Variants in EPHA7 observed in about 807,000 individuals in gnomAD.
The protein encoded by EPHA7 is ephrin type-A receptor 7.
In EPHA7, 25 loss-of-function variants were observed where a neutral mutation model predicts 112.6. That is an observed-to-expected ratio of 0.22 (90% confidence interval 0.16 to 0.31). The LOEUF (loss-of-function observed/expected upper bound fraction) is 0.31. Ranked by LOEUF, EPHA7 falls within the 10% of genes least tolerant of loss-of-function variation. EPHA7 has a pLI of 1.00. For synonymous variants in EPHA7, 437 were observed against 406.5 expected (o/e 1.07, Z -0.90); for missense variants, 962 against 1,212.6 (o/e 0.79, Z 3.07).
chr6:93,377,852 G>C (rs941827201), intron 3 of EPHA7, among the ~76,000 whole-genome samples: 5 of 151,996 alleles, frequency 3.3e-5, no homozygotes, highest in Non-Finnish European at 7.4e-5. Flanking sequence ...ATTTGTTTCA[G>C]TCATTCGCTA....
chr6:93,394,841 A>G (rs1342758191), intron 3 of EPHA7, among the ~76,000 whole-genome samples: 1 of 151,864 alleles, frequency 6.6e-6, no homozygotes, highest in Non-Finnish European at 1.5e-5. Context: ...ATCCAGTGCT[A>G]TGCTTTAACC....
intron 5 of EPHA7, among the ~76,000 whole-genome samples, chr6:93,313,373 T>C (rs1372079633): frequency 6.6e-6 from 1 of 151,544 alleles, no homozygotes; most frequent in Non-Finnish European, 1.5e-5. Context: ...AAATATATAC[T>C]ATAGATGAAG....
chr6:93,269,576 C>T lies in EPHA7; in HGVS notation c.1534G>A (p.Val512Ile). Reference sequence around the variant, plus strand: ...GCAGTAAAAGCCCGAATCTGGAAAACATACACTGTTCCTGGTTTCAGATTA... The same window carrying T: ...GCAGTAAAAGCCCGAATCTGGAAAATATACACTGTTCCTGGTTTCAGATTA... ...INNLKPGTVY[V>I]FQIRAFTAAG... Residue 512 changes from valine to isoleucine, a missense_variant, in exon 7 of 17, where the codon GTT becomes ATT. Val to Ile is a conservative substitution (Grantham distance 29). Around this residue, in one of 3 missense-constraint regions of EPHA7, gnomAD observed 746 missense variants for 889.2 expected, o/e 0.84. Transcript: ENST00000369303. 6.2e-7 allele frequency: 1 copy of T among 1,608,730 alleles called. No individual in the cohort carries two copies. The highest frequency in any genetic ancestry group is 8.5e-7 in the Non-Finnish European group (1 of 1,177,204).
At chr6:93,259,281 C>T in intron 10 of EPHA7, 73 bp downstream of exon 10, 2 of 1,573,800 alleles carry the variant, frequency 1.3e-6, no homozygotes, top group Non-Finnish European at 1.7e-6. Context: ...AATTATTTGC[C>T]TGTCATTATG....
At chr6:93,350,758 A>T (rs757841739) in intron 5 of EPHA7, among the ~76,000 whole-genome samples, 35 of 151,976 alleles carry the variant, frequency 2.3e-4, no homozygotes, top group Non-Finnish European at 4.7e-4. Flanking sequence ...TTTTTTTTTA[A>T]CAAACGACTA....
At chr6:93,289,092 T>A (rs934683553) in intron 5 of EPHA7, among the ~76,000 whole-genome samples, 1 of 152,274 alleles carries the variant, frequency 6.6e-6, no homozygotes, top group Non-Finnish European at 1.5e-5. Flanking sequence ...GGAAGCTTTT[T>A]TTCCCCCCAT....
rs1769663981 is a variant in EPHA7, at chr6:93,240,940, C to T, written c.*2486G>A. On this transcript the variant is annotated 3_prime_UTR_variant, in exon 17 of 17. Transcript: ENST00000369303. ...CTTACAAACGAGATAGTGATGTAATCATACACTTCCTATTGTGCTGTGTGT... is the reference window on the plus strand; with the variant it reads ...CTTACAAACGAGATAGTGATGTAATTATACACTTCCTATTGTGCTGTGTGT... The T allele has an allele frequency of 4.7e-6, 1 of 212,696 alleles. No individual in the cohort carries two copies. Among genetic ancestry groups the T allele is most frequent in the African/African-American group, 2.3e-5 (1 of 44,214 alleles). 13.2% of individuals were successfully genotyped at this position (212,696 alleles called of 1,614,324 possible).
chr6:93,273,907 A>G (rs998036257), intron 5 of EPHA7, among the ~76,000 whole-genome samples: 7 of 151,890 alleles, frequency 4.6e-5, no homozygotes, highest in African/African-American at 9.7e-5. Context: ...TAGGAATCCA[A>G]CTCCAACTAA....
intron 5 of EPHA7, among the ~76,000 whole-genome samples, chr6:93,336,559 C>T (rs556392110): frequency 3.0e-4 from 46 of 152,168 alleles, no homozygotes; most frequent in Middle Eastern, 3.4e-3. Flanking sequence ...CGTGCCACCA[C>T]GCCTAGCTAT....
chr6:93,258,293 A>G lies in EPHA7; in HGVS notation c.1925-9T>C. On this transcript the variant is annotated splice_polypyrimidine_tract_variant and intron_variant, in intron 10 of 16. Transcript: ENST00000369303. ...GACTTCACCGAATTCTCCTGAAGTA[A>G]CAGAACAAGCAGGCATATTTTAGTT... is the stretch of plus-strand genomic sequence containing the variant. The G allele has an allele frequency of 6.4e-7, 1 of 1,567,122 alleles. No homozygotes were observed. Among genetic ancestry groups the G allele is most frequent in the Non-Finnish European group, 8.6e-7 (1 of 1,156,598 alleles).
chr6:93,359,878 T>TAGATAGAC lies in EPHA7; in HGVS notation c.833-1468_833-1467insGTCTATCT, dbSNP rs1554185715. 4.5e-5 allele frequency among the ~76,000 whole-genome samples: 4 copies of TAGATAGAC among 89,602 alleles called. No homozygotes were observed. The East Asian group carries it at 1.1e-3, about 25-fold the overall frequency. 58.8% of individuals were successfully genotyped at this position (89,602 alleles called of 152,430 possible). A position where few individuals can be genotyped will look rare whatever the true frequency, so the allele number is the denominator to read the frequency against. Reference sequence around the variant, plus strand: ...ATAGAGAGAGAGAGAGAGAGAGAGATAGATAGATAGATAGATAGATAGATA... The same window carrying TAGATAGAC: ...ATAGAGAGAGAGAGAGAGAGAGAGATAGATAGACAGATAGATAGATAGATAGATAGATA... On this transcript the variant is annotated intron_variant, in intron 3 of 16. Coordinates refer to ENST00000369303, the MANE Select transcript of EPHA7 (RefSeq NM_004440.4).
At chr6:93,348,094 A>C (rs1377142888) in intron 5 of EPHA7, among the ~76,000 whole-genome samples, 1 of 151,874 alleles carries the variant, frequency 6.6e-6, no homozygotes, top group East Asian at 1.9e-4. Context: ...ACATAAGCCT[A>C]TTTCATTACA....
chr6:93,261,974 T>C (rs1401535302), intron 9 of EPHA7, among the ~76,000 whole-genome samples: 1 of 151,470 alleles, frequency 6.6e-6, no homozygotes, highest in East Asian at 1.9e-4. Context: ...TAAACTGGTG[T>C]ATGTGATCAC....
Position 93,414,685 on chromosome 6 carries a change from A to G in EPHA7, c.162+18T>C, listed in dbSNP as rs374722575. The G allele has an allele frequency of 1.9e-6, 3 of 1,595,686 alleles. No individual in the cohort carries two copies. The highest frequency in any genetic ancestry group is 2.6e-6 in the Non-Finnish European group (3 of 1,164,722). ...TCTTATTTTAAAAAAGTGATATTTTATGATGAAAAAAACTTACCCCATTGG... is the reference window on the plus strand; with the variant it reads ...TCTTATTTTAAAAAAGTGATATTTTGTGATGAAAAAAACTTACCCCATTGG... On this transcript the variant is annotated intron_variant, in intron 2 of 16. Coordinates refer to ENST00000369303, the MANE Select transcript of EPHA7 (RefSeq NM_004440.4).
chr6:93,330,864 C>T (rs1774557010), intron 5 of EPHA7, among the ~76,000 whole-genome samples: 1 of 151,252 alleles, frequency 6.6e-6, no homozygotes. Context: ...TTTATGTTAC[C>T]TTGGGTATCA....
intron 5 of EPHA7, among the ~76,000 whole-genome samples, chr6:93,337,628 C>A (rs1175400630): frequency 6.6e-6 from 1 of 152,026 alleles, no homozygotes; most frequent in African/African-American, 2.4e-5. Flanking sequence ...AGAGAGCTGG[C>A]AGGAAAAGAA....
At chr6:93,303,403 G>A (rs1408478400) in intron 5 of EPHA7, among the ~76,000 whole-genome samples, 1 of 152,046 alleles carries the variant, frequency 6.6e-6, no homozygotes. Context: ...CATTCTAATA[G>A]GGGTGGGAAG....
intron 14 of EPHA7, among the ~76,000 whole-genome samples, chr6:93,252,678 TAATG>T (rs1290346506): frequency 2.4e-4 from 36 of 152,090 alleles, no homozygotes; most frequent in African/African-American, 8.2e-4. Context: ...AATTATAAAA[TAATG>T]AATATTATCT....
At chr6:93,393,302 A>G (rs1307454864) in intron 3 of EPHA7, among the ~76,000 whole-genome samples, 2 of 151,940 alleles carry the variant, frequency 1.3e-5, no homozygotes, top group East Asian at 3.9e-4. Context: ...TGTTTGGCTA[A>G]TAAATATCTG....
Sources: gnomAD v4.1 joint callset for allele counts (sites outside exome capture counted in the v4.1 genomes callset) on GRCh38, gnomAD v4.1.1 for gene constraint, gnomAD v4.1.1 regional missense constraint, MANE v1.5 for transcripts, NCBI Gene and HGNC (gene_info 2026-07-23, HGNC 2026-07-21) for gene names.